The following BAZ2B variants were observed in gnomAD, a reference collection of about 807,000 sequenced individuals.
BAZ2B encodes bromodomain adjacent to zinc finger domain 2B, also known as bromodomain adjacent to zinc finger domain protein 2B.
In BAZ2B, 91 loss-of-function variants were observed where a neutral mutation model predicts 246.0. That is an observed-to-expected ratio of 0.37 (90% confidence interval 0.31 to 0.44). The LOEUF (loss-of-function observed/expected upper bound fraction) is 0.44, where lower values mean the gene tolerates loss of function less well. BAZ2B is among the 20% of genes least tolerant of loss of function. The pLI, the probability that BAZ2B is intolerant of heterozygous loss-of-function variation, is 1.00. For missense variants in BAZ2B, 2,332 were observed against 2,533.7 expected (o/e 0.92, Z 1.71); for synonymous variants, 855 against 860.0 (o/e 0.99, Z 0.10).
intron 3 of BAZ2B, among the ~76,000 whole-genome samples, chr2:159,457,783 C>T (rs2075960310): frequency 6.6e-6 from 1 of 152,174 alleles, no homozygotes; most frequent in South Asian, 2.1e-4. Context: ...CTCTTTCCCT[C>T]TCAATACATC....
intron 1 of BAZ2B, among the ~76,000 whole-genome samples, chr2:159,609,136 G>A (rs1694157019): frequency 6.6e-6 from 1 of 152,158 alleles, no homozygotes; most frequent in African/African-American, 2.4e-5. Context: ...ACACAAAGGT[G>A]TTCTCCTCTT....
intron 27 of BAZ2B, among the ~76,000 whole-genome samples, chr2:159,363,006 A>G (rs1039395541): frequency 1.3e-5 from 2 of 152,212 alleles, no homozygotes; most frequent in Non-Finnish European, 2.9e-5. Context: ...GAGGAGATCC[A>G]GCATTATACA....
intron 8 of BAZ2B, among the ~76,000 whole-genome samples, chr2:159,436,926 T>G (rs2072456730): frequency 6.6e-6 from 1 of 152,176 alleles, no homozygotes; most frequent in Non-Finnish European, 1.5e-5. Flanking sequence ...AATGAACTAA[T>G]GAGGGATGCA....
chr2:159,536,656 A>G (rs2086032078), intron 2 of BAZ2B, among the ~76,000 whole-genome samples: 1 of 152,210 alleles, frequency 6.6e-6, no homozygotes, highest in South Asian at 2.1e-4. Flanking sequence ...ATGAAGGAAG[A>G]AGATCTTCGC....
chr2:159,544,523 G>A (rs892791680), intron 2 of BAZ2B, among the ~76,000 whole-genome samples: 6 of 152,166 alleles, frequency 3.9e-5, no homozygotes, highest in Non-Finnish European at 5.9e-5. Flanking sequence ...AAAATTAGAA[G>A]AAAATGAGTT....
intron 1 of BAZ2B, among the ~76,000 whole-genome samples, chr2:159,594,778 C>G (rs771621885): frequency 6.6e-6 from 1 of 151,992 alleles, no homozygotes; most frequent in South Asian, 2.1e-4. Context: ...ACTACAGGCG[C>G]GTGCCAACAT....
At position 159,332,536 on chromosome 2, in the gene BAZ2B, T is replaced by C; in HGVS notation, c.5943+4A>G. ...TGAAAAGTTTAGTTTTAGATTGGTC[T>C]TACCTTAGCAATGCAAGCTGGACAA... On this transcript the variant is annotated splice_donor_region_variant and intron_variant, in intron 34 of 36. Transcript: ENST00000392783. 2 of 1,608,506 alleles carry C rather than the reference T, an allele frequency of 1.2e-6. No homozygotes were observed. The highest frequency in any genetic ancestry group is 1.7e-6 in the Non-Finnish European group (2 of 1,178,052).
intron 1 of BAZ2B, among the ~76,000 whole-genome samples, chr2:159,592,474 T>C (rs1441073711): frequency 3.3e-5 from 5 of 152,242 alleles, no homozygotes; most frequent in Admixed American, 6.5e-5. Flanking sequence ...ACAGATCTTT[T>C]AAACTGCTTG....
the BAZ2B span, among the ~76,000 whole-genome samples, chr2:159,623,994 T>C: frequency 2.0e-5 from 3 of 152,204 alleles, no homozygotes; most frequent in Non-Finnish European, 4.4e-5. Flanking sequence ...CCTGGGACAC[T>C]TGAGCTTGGT....
At chr2:159,622,629 CTT>C in the BAZ2B span, among the ~76,000 whole-genome samples, 1 of 152,078 alleles carries the variant, frequency 6.6e-6, no homozygotes, top group Non-Finnish European at 1.5e-5. Context: ...GTTGAATAAA[CTT>C]ATATGTAAAG....
At chr2:159,366,604 C>G (rs1223191354) in intron 27 of BAZ2B, among the ~76,000 whole-genome samples, 1 of 152,192 alleles carries the variant, frequency 6.6e-6, no homozygotes, top group African/African-American at 2.4e-5. Flanking sequence ...GAGGATATGA[C>G]CAGCAATTGC....
chr2:159,339,996 A>G (rs2112112), intron 31 of BAZ2B, among the ~76,000 whole-genome samples: 138,039 of 152,094 alleles, frequency 0.91, 64,191 homozygotes, highest in East Asian at 1. Context: ...AAATAGGAGA[A>G]TACATAAAGA....
At chr2:159,680,664 C>A in the BAZ2B span, among the ~76,000 whole-genome samples, 1 of 152,178 alleles carries the variant, frequency 6.6e-6, no homozygotes, top group Non-Finnish European at 1.5e-5. Flanking sequence ...AATAAGGGAT[C>A]AGAGACAGGC....
rs201222842 is a variant in BAZ2B, at chr2:159,480,748, AT to A, written c.-2-2028del. 2.6e-3 allele frequency among the ~76,000 whole-genome samples: 391 copies of A among 151,892 alleles called. 14 individuals carry two copies. In the East Asian group the frequency reaches 0.068, roughly 26 times the overall value. ...CTTTTTTAGTTTCAGTAAAGGTGTA[AT>A]TTTTTTTCTTCTATATCTGGTTCTT... On this transcript the variant is annotated intron_variant, in intron 2 of 36. Transcript: ENST00000392783.
rs141182396 is a variant in BAZ2B at position 159,332,414 on chromosome 2, G to C, written c.5943+126C>G. 318 of 899,374 alleles carry C rather than the reference G, an allele frequency of 3.5e-4. 1 individual carries two copies. Among genetic ancestry groups the C allele is most frequent in the Middle Eastern group, 3.6e-4 (1 of 2,780 alleles). 55.7% of individuals were successfully genotyped at this position (899,374 alleles called of 1,614,324 possible). A position where few individuals can be genotyped will look rare whatever the true frequency, so the allele number is the denominator to read the frequency against. ...AGGCCAGAGGATAGCTTGAGCCCAG[G>C]AGTTTTAGGCTGTAGTGGGCTATGA... On this transcript the variant is annotated intron_variant, in intron 34 of 36. Transcript: ENST00000392783.
chr2:159,428,245 T>A, intron 12 of BAZ2B, 66 bp downstream of exon 12: 1 of 1,303,678 alleles, frequency 7.7e-7, no homozygotes, highest in Non-Finnish European at 1.1e-6. Context: ...AGGAGTACAC[T>A]TTTTTTTTGT....
the BAZ2B span, among the ~76,000 whole-genome samples, chr2:159,679,287 A>AAAAAC: frequency 1.1e-4 from 16 of 139,964 alleles, no homozygotes; most frequent in South Asian, 2.2e-4. Context: ...AAAAAAAAAA[A>AAAAAC]AAAAAAAGAT....
intron 2 of BAZ2B, among the ~76,000 whole-genome samples, chr2:159,505,719 T>G (rs2082262272): frequency 6.6e-6 from 1 of 152,088 alleles, no homozygotes; most frequent in African/African-American, 2.4e-5. Flanking sequence ...AAAGGTCCCA[T>G]AAGAAGGCGG....
At chr2:159,501,184 TTA>T (rs1553681049) in intron 2 of BAZ2B, among the ~76,000 whole-genome samples, 1 of 80,804 alleles carries the variant, frequency 1.2e-5, no homozygotes, top group African/African-American at 4.6e-5. Context: ...TTATATATAT[TTA>T]TATATAATAT....
Sources: allele counts gnomAD v4.1 joint callset (sites outside exome capture counted in the v4.1 genomes callset), GRCh38; gene constraint gnomAD v4.1.1; transcripts MANE v1.5; gene names NCBI Gene and HGNC (gene_info 2026-07-23, HGNC 2026-07-21).